Variants in NOL4 observed in about 807,000 individuals in gnomAD.
NOL4 encodes the protein cancer/testis antigen 125.
A neutral mutation model predicts 75.9 loss-of-function variants in NOL4; 17 were observed. The ratio of observed to expected loss-of-function variants is 0.22; its 90% CI spans 0.15 to 0.34. The LOEUF is 0.34. Ranked by LOEUF, NOL4 falls within the 10% of genes least tolerant of loss-of-function variation. The pLI is 1.00. For synonymous variants in NOL4, 292 were observed against 289.9 expected (o/e 1.01, Z -0.07); for missense variants, 614 against 793.5 (o/e 0.77, Z 2.72).
At chr18:34,057,574 T>C (rs758327030) in intron 5 of NOL4, among the ~76,000 whole-genome samples, 6 of 152,194 alleles carry the variant, frequency 3.9e-5, no homozygotes, top group African/African-American at 9.7e-5. Flanking sequence ...AGATCTGTGA[T>C]CTATCTTTAT....
chr18:34,043,649 T>C (rs2076236304), intron 5 of NOL4, among the ~76,000 whole-genome samples: 1 of 152,174 alleles, frequency 6.6e-6, no homozygotes, highest in Admixed American at 6.5e-5. Context: ...TCCTCACTCA[T>C]AAATCTGGGA....
At chr18:34,068,404 A>G (rs2077371028) in intron 5 of NOL4, among the ~76,000 whole-genome samples, 1 of 151,908 alleles carries the variant, frequency 6.6e-6, no homozygotes, top group South Asian at 2.1e-4. Flanking sequence ...TAATTTTTTA[A>G]TTTTTTATTT....
intron 1 of NOL4, among the ~76,000 whole-genome samples, chr18:34,161,466 CT>C (rs2031466543): frequency 6.6e-6 from 1 of 152,056 alleles, no homozygotes; most frequent in Admixed American, 6.6e-5. Flanking sequence ...GAAATAAACA[CT>C]ATTATGTTTA....
Position 33,958,349 on chromosome 18 carries a change from G to A in NOL4, c.1126C>T (p.Leu376Phe), listed in dbSNP as rs780305734. ...TCCTCATCTCCCCTGTTTAGTGAGA[G>A]GTCCTCAGCTCCTCGGTCTACACTC... is the stretch of plus-strand genomic sequence containing the variant. ...NESVDRGAEDLSLNRGDEDED... is the reference protein window; with the variant it reads ...NESVDRGAEDFSLNRGDEDED... The change falls in exon 7 of 11, where the codon CTC becomes TTC. Residue 376 changes from leucine to phenylalanine, a missense_variant. Physicochemically the swap from Leu to Phe is conservative, Grantham distance 22. This residue lies in a region of NOL4 where 196 missense variants were observed against 167.9 expected (regional missense o/e 1.17). Transcript: ENST00000261592. The A allele has an allele frequency of 6.3e-7, 1 of 1,598,812 alleles. No individual in the cohort carries two copies. The highest frequency in any genetic ancestry group is 8.5e-7 in the Non-Finnish European group (1 of 1,171,964).
At chr18:33,992,348 G>A (rs912940565) in intron 6 of NOL4, among the ~76,000 whole-genome samples, 5 of 151,736 alleles carry the variant, frequency 3.3e-5, no homozygotes, top group African/African-American at 1.2e-4. Context: ...AGAGTTAACA[G>A]GCCAGATCAA....
intron 4 of NOL4, among the ~76,000 whole-genome samples, chr18:34,097,358 T>C (rs909042674): frequency 6.6e-6 from 1 of 152,114 alleles, no homozygotes; most frequent in African/African-American, 2.4e-5. Flanking sequence ...CAAATCTCAG[T>C]GTGCATGAGT....
At chr18:34,075,474 G>A (rs546464552) in intron 5 of NOL4, among the ~76,000 whole-genome samples, 2 of 152,222 alleles carry the variant, frequency 1.3e-5, no homozygotes, top group African/African-American at 2.4e-5. Context: ...TTTTGACTGT[G>A]ATTTGTCACA....
At chr18:34,022,758 T>C (rs115332549) in intron 5 of NOL4, among the ~76,000 whole-genome samples, 2,501 of 152,152 alleles carry the variant, frequency 0.016, 60 homozygotes, top group African/African-American at 0.056. Flanking sequence ...GTATATATTA[T>C]ATTTTAAAAT....
intron 9 of NOL4, among the ~76,000 whole-genome samples, chr18:33,923,870 TA>T (rs2067178321): frequency 6.6e-6 from 1 of 152,178 alleles, no homozygotes; most frequent in South Asian, 2.1e-4. Flanking sequence ...CTATACTGTT[TA>T]AAATATCTTC....
At chr18:34,200,078 G>A (rs1052291099) in intron 1 of NOL4, among the ~76,000 whole-genome samples, 1 of 151,810 alleles carries the variant, frequency 6.6e-6, no homozygotes, top group Non-Finnish European at 1.5e-5. Flanking sequence ...TCTACAGAGT[G>A]TCATCACAGA....
intron 9 of NOL4, among the ~76,000 whole-genome samples, chr18:33,918,757 T>C (rs16965031): frequency 0.029 from 4,445 of 152,204 alleles, 227 homozygotes; most frequent in African/African-American, 0.1. Flanking sequence ...ACTAGGTGAA[T>C]CAAAAATCCT....
chr18:34,136,250 G>T (rs747322129), intron 1 of NOL4, among the ~76,000 whole-genome samples: 3 of 152,230 alleles, frequency 2.0e-5, no homozygotes, highest in Admixed American at 6.5e-5. Flanking sequence ...AATTGTGAGA[G>T]ACTGAATGCT....
intron 9 of NOL4, among the ~76,000 whole-genome samples, chr18:33,905,348 A>T (rs1260130720): frequency 6.6e-6 from 1 of 152,148 alleles, no homozygotes; most frequent in Non-Finnish European, 1.5e-5. Flanking sequence ...GGTGCTGCTG[A>T]ATACCCATTC....
chr18:34,119,345 C>A (rs1158644147), intron 2 of NOL4, among the ~76,000 whole-genome samples: 2 of 152,180 alleles, frequency 1.3e-5, no homozygotes, highest in Non-Finnish European at 2.9e-5. Context: ...CAGATTTGCA[C>A]AATCACCCCC....
chr18:34,027,210 T>C (rs1297654877), intron 5 of NOL4, among the ~76,000 whole-genome samples: 1 of 152,104 alleles, frequency 6.6e-6, no homozygotes, highest in African/African-American at 2.4e-5. Context: ...AGGAGAAAGA[T>C]GATGAGAGAA....
intron 10 of NOL4, among the ~76,000 whole-genome samples, chr18:33,882,270 C>G (rs1472961986): frequency 1.3e-5 from 2 of 152,136 alleles, no homozygotes; most frequent in East Asian, 3.9e-4. Flanking sequence ...GAACAGGCAG[C>G]CTACAAAATG....
At chr18:34,084,750 C>G (rs545380055) in intron 5 of NOL4, among the ~76,000 whole-genome samples, 1 of 152,164 alleles carries the variant, frequency 6.6e-6, no homozygotes, top group East Asian at 1.9e-4. Flanking sequence ...TTTATATCAC[C>G]CACAATCTAA....
At chr18:34,081,217 C>A (rs983931976) in intron 5 of NOL4, among the ~76,000 whole-genome samples, 2 of 152,082 alleles carry the variant, frequency 1.3e-5, no homozygotes, top group African/African-American at 2.4e-5. Context: ...GGTCTAGTTT[C>A]TTTATTTCCA....
At chr18:33,912,896 AACATGAAAGCTC>A (rs1289008138) in intron 9 of NOL4, among the ~76,000 whole-genome samples, 1 of 152,120 alleles carries the variant, frequency 6.6e-6, no homozygotes, top group Non-Finnish European at 1.5e-5. Flanking sequence ...TTTCCCTGCT[AACATGAAAGCTC>A]ACTGGAAGCA....
Sources: allele counts gnomAD v4.1 joint callset (sites outside exome capture counted in the v4.1 genomes callset), GRCh38; gene constraint gnomAD v4.1.1; regional missense constraint gnomAD v4.1.1; transcripts MANE v1.5; gene names NCBI Gene and HGNC (gene_info 2026-07-23, HGNC 2026-07-21).